The following PDS5B variants were observed in gnomAD, a reference collection of about 807,000 sequenced individuals.
The protein encoded by PDS5B is PDS5 cohesin associated factor B.
A neutral mutation model predicts 184.1 loss-of-function variants in PDS5B; 51 were observed. The ratio of observed to expected loss-of-function variants is 0.28; its 90% CI spans 0.22 to 0.35. PDS5B has a LOEUF of 0.35. Ranked by LOEUF, PDS5B falls within the 10% of genes least tolerant of loss-of-function variation. The pLI is 1.00. For synonymous variants in PDS5B, 566 were observed against 569.2 expected (o/e 0.99, Z 0.08); for missense variants, 1,180 against 1,723.3 (o/e 0.68, Z 5.58).
At chr13:32,650,070 C>T (rs541898719) in intron 2 of PDS5B, 5 of 152,270 alleles carry the variant, frequency 3.3e-5, no homozygotes, top group African/African-American at 1.2e-4. Context: ...TAAAACTGAT[C>T]AGCATTAGTG....
At chr13:32,749,913 T>G (rs1385798603) in intron 24 of PDS5B, among the ~76,000 whole-genome samples, 2 of 152,234 alleles carry the variant, frequency 1.3e-5, no homozygotes, top group Non-Finnish European at 2.9e-5. Context: ...TTTGCTTTTT[T>G]GAGGGTACAT....
chr13:32,717,414 CAT>C (rs1259855553), intron 19 of PDS5B, among the ~76,000 whole-genome samples: 9 of 148,120 alleles, frequency 6.1e-5, no homozygotes, highest in Non-Finnish European at 9.0e-5. Context: ...CTCTCTGAAA[CAT>C]GTGCTGTGTC....
chr13:32,613,688 CTT>C (rs1025154545), intron 1 of PDS5B, among the ~76,000 whole-genome samples: 1 of 152,026 alleles, frequency 6.6e-6, no homozygotes, highest in African/African-American at 2.4e-5. Context: ...TGTGAATTGT[CTT>C]TTTACTTTGT....
chr13:32,602,644 T>C (rs1325072572), intron 1 of PDS5B, among the ~76,000 whole-genome samples: 1 of 152,268 alleles, frequency 6.6e-6, no homozygotes, highest in Admixed American at 6.5e-5. Flanking sequence ...ATGGTATTTC[T>C]AGTTCTAGAT....
intron 19 of PDS5B, among the ~76,000 whole-genome samples, chr13:32,730,534 G>A (rs374904174): frequency 1.3e-5 from 2 of 152,218 alleles, no homozygotes; most frequent in African/African-American, 4.8e-5. Context: ...AATTATTTTG[G>A]GCAGTATGGC....
At chr13:32,726,636 G>A (rs749481519) in intron 19 of PDS5B, among the ~76,000 whole-genome samples, 2 of 152,160 alleles carry the variant, frequency 1.3e-5, no homozygotes, top group Non-Finnish European at 2.9e-5. Context: ...CATCTTCCTT[G>A]TTCTGCAGGC....
At chr13:32,722,164 A>G (rs9596147) in intron 19 of PDS5B, among the ~76,000 whole-genome samples, 58,972 of 152,126 alleles carry the variant, frequency 0.39, 11,941 homozygotes, top group Non-Finnish European at 0.45. Context: ...AGACCAGCCC[A>G]GCCAACACGG....
intron 14 of PDS5B, among the ~76,000 whole-genome samples, chr13:32,694,783 G>T (rs1392564008): frequency 6.7e-6 from 1 of 150,316 alleles, no homozygotes; most frequent in Non-Finnish European, 1.5e-5. Flanking sequence ...ATGTAATGAT[G>T]GTATTCATCC....
At chr13:32,724,161 G>C (rs1487774727) in intron 19 of PDS5B, among the ~76,000 whole-genome samples, 1 of 152,180 alleles carries the variant, frequency 6.6e-6, no homozygotes, top group Non-Finnish European at 1.5e-5. Context: ...CTGTTGCCCA[G>C]ACTGGAGTGC....
intron 19 of PDS5B, among the ~76,000 whole-genome samples, chr13:32,720,747 T>A (rs960912053): frequency 3.3e-5 from 5 of 151,840 alleles, no homozygotes; most frequent in South Asian, 2.1e-4. Context: ...CAGATAAACA[T>A]GTGAACAAAG....
intron 1 of PDS5B, among the ~76,000 whole-genome samples, chr13:32,635,170 G>GTTTTTTT (rs71071054): frequency 7.4e-5 from 6 of 81,118 alleles, no homozygotes; most frequent in Admixed American, 1.4e-4. Context: ...AGCCAATTAC[G>GTTTTTTT]TTTTTTTTTT....
intron 7 of PDS5B, among the ~76,000 whole-genome samples, chr13:32,671,985 A>G (rs556845012): frequency 1.3e-5 from 2 of 152,318 alleles, no homozygotes; most frequent in African/African-American, 2.4e-5. Context: ...ATCTTTGCCA[A>G]TTTCAGTAGT....
At chr13:32,657,428 AT>A (rs1555296763) in intron 3 of PDS5B, among the ~76,000 whole-genome samples, 1 of 152,198 alleles carries the variant, frequency 6.6e-6, no homozygotes, top group Non-Finnish European at 1.5e-5. Flanking sequence ...ATTTTTCTCC[AT>A]CCCTTTACTT....
intron 20 of PDS5B, among the ~76,000 whole-genome samples, chr13:32,734,013 C>CACACACACACACACACACAA (rs1430095241): frequency 1.3e-5 from 2 of 151,344 alleles, no homozygotes; most frequent in African/African-American, 4.9e-5. Flanking sequence ...CACACACACA[C>CACACACACACACACACACAA]AAACATATAT....
chr13:32,701,073 C>G (rs1951847658), intron 16 of PDS5B: 1 of 246,324 alleles, frequency 4.1e-6, no homozygotes, highest in Non-Finnish European at 7.8e-6. Flanking sequence ...TGTTTTTATT[C>G]CAAATGTCTA....
At chr13:32,684,058 AT>A in intron 11 of PDS5B, 35 bp downstream of exon 11, 10 of 1,070,202 alleles carry the variant, frequency 9.3e-6, no homozygotes, top group Non-Finnish European at 1.3e-5. Context: ...CTAAGTTTTC[AT>A]TTTTAATACT....
At chr13:32,638,416 G>C (rs2058599649) in intron 1 of PDS5B, among the ~76,000 whole-genome samples, 1 of 152,224 alleles carries the variant, frequency 6.6e-6, no homozygotes, top group Non-Finnish European at 1.5e-5. Flanking sequence ...ATGAGGTGGA[G>C]TGTGCGGGTG....
intron 23 of PDS5B, 147 bp downstream of exon 23, chr13:32,742,874 TG>T (rs1406379356): frequency 2.8e-6 from 2 of 716,272 alleles, no homozygotes; most frequent in African/African-American, 3.7e-5. Flanking sequence ...AATATGCTTT[TG>T]TACAGTGGTT....
intron 3 of PDS5B, chr13:32,652,234 T>A: frequency 2.5e-6 from 1 of 403,880 alleles, no homozygotes; most frequent in African/African-American, 2.0e-5. Flanking sequence ...TTTTTTTATA[T>A]CATGTCATCA....
Sources: gnomAD v4.1 joint callset for allele counts (sites outside exome capture counted in the v4.1 genomes callset) on GRCh38, gnomAD v4.1.1 for gene constraint, MANE v1.5 for transcripts, NCBI Gene and HGNC (gene_info 2026-07-23, HGNC 2026-07-21) for gene names.